Variants in GUCY1A2 observed in about 807,000 individuals in gnomAD.
The protein encoded by GUCY1A2 is guanylate cyclase 1 soluble subunit alpha 2, also known as guanylate cyclase soluble subunit alpha-2.
GUCY1A2 carries 27 observed loss-of-function variants against 63.5 expected under a neutral mutation model. The ratio of observed to expected loss-of-function variants is 0.43; its 90% CI spans 0.31 to 0.59. The LOEUF (loss-of-function observed/expected upper bound fraction) is 0.59, where lower values mean the gene tolerates loss of function less well. Among genes scored for constraint, GUCY1A2 ranks in the 20% least tolerant of loss-of-function variants. The probability of loss-of-function intolerance (pLI) is 0.11; values close to 1 mark genes in which losing one functional copy is unlikely to be tolerated. For missense variants in GUCY1A2, 768 were observed against 913.3 expected (o/e 0.84, Z 2.05); for synonymous variants, 364 against 343.5 (o/e 1.06, Z -0.66).
intron 1 of GUCY1A2, among the ~76,000 whole-genome samples, chr11:106,989,542 CT>C (rs1163135551): frequency 6.6e-6 from 1 of 152,034 alleles, no homozygotes; most frequent in Non-Finnish European, 1.5e-5. Flanking sequence ...CTATGCTAAG[CT>C]GAAAAACATG....
intron 7 of GUCY1A2, among the ~76,000 whole-genome samples, chr11:106,688,476 A>G (rs1862566526): frequency 6.6e-6 from 1 of 152,194 alleles, no homozygotes; most frequent in South Asian, 2.1e-4. Context: ...AGTGTGGCCC[A>G]ACAATTCAAT....
At chr11:106,778,979 A>G (rs1864411253) in intron 5 of GUCY1A2, among the ~76,000 whole-genome samples, 1 of 152,186 alleles carries the variant, frequency 6.6e-6, no homozygotes, top group Non-Finnish European at 1.5e-5. Flanking sequence ...TATTTTTAAT[A>G]TCAAAAATTA....
chr11:106,827,649 T>C (rs1565302584), intron 4 of GUCY1A2: 3 of 1,535,264 alleles, frequency 2.0e-6, no homozygotes, highest in East Asian at 2.2e-5. Context: ...TTCTATAACC[T>C]TGATGTTGGG....
intron 1 of GUCY1A2, among the ~76,000 whole-genome samples, chr11:107,015,572 A>C (rs1266935719): frequency 2.3e-5 from 3 of 130,920 alleles, no homozygotes; most frequent in Admixed American, 7.3e-5. Context: ...AAAAAAAAAA[A>C]AAAAAAAAAA....
intron 4 of GUCY1A2, among the ~76,000 whole-genome samples, chr11:106,839,871 AG>A (rs1859172542): frequency 1.9e-5 from 1 of 52,642 alleles, no homozygotes; most frequent in Admixed American, 2.8e-4. Flanking sequence ...GGGTGGGGGG[AG>A]GGGGGAGGGA....
intron 1 of GUCY1A2, among the ~76,000 whole-genome samples, chr11:107,014,129 G>A (rs1458083604): frequency 4.4e-5 from 5 of 114,412 alleles, no homozygotes; most frequent in Admixed American, 1.3e-4. Context: ...TCGCTCTGTC[G>A]CCAGGCTGGA....
intron 6 of GUCY1A2, among the ~76,000 whole-genome samples, chr11:106,737,066 C>A (rs942192668): frequency 6.6e-6 from 1 of 152,264 alleles, no homozygotes; most frequent in Admixed American, 6.5e-5. Context: ...ATCCTAGTAG[C>A]AAATCCCTTA....
intron 3 of GUCY1A2, among the ~76,000 whole-genome samples, chr11:106,964,360 C>A (rs1343003534): frequency 1.3e-5 from 2 of 152,186 alleles, no homozygotes; most frequent in Non-Finnish European, 2.9e-5. Flanking sequence ...ATAGCTACCC[C>A]TCCAGGGCCT....
chr11:106,895,030 G>C (rs896420777), intron 4 of GUCY1A2, among the ~76,000 whole-genome samples: 10 of 152,090 alleles, frequency 6.6e-5, no homozygotes, highest in Non-Finnish European at 1.3e-4. Flanking sequence ...GAAAAAAAGA[G>C]AAGGGATACA....
intron 6 of GUCY1A2, among the ~76,000 whole-genome samples, chr11:106,767,984 T>C (rs1177546055): frequency 6.6e-6 from 1 of 152,178 alleles, no homozygotes; most frequent in Non-Finnish European, 1.5e-5. Flanking sequence ...ATGTAGCTTC[T>C]GCATTACAAT....
At chr11:106,689,678 C>A (rs1862587901) in intron 7 of GUCY1A2, among the ~76,000 whole-genome samples, 1 of 152,036 alleles carries the variant, frequency 6.6e-6, no homozygotes, top group Non-Finnish European at 1.5e-5. Context: ...CATTTAACAC[C>A]AGTCAGAATG....
intron 4 of GUCY1A2, among the ~76,000 whole-genome samples, chr11:106,880,225 T>C (rs895791781): frequency 1.9e-4 from 29 of 152,010 alleles, no homozygotes; most frequent in African/African-American, 7.0e-4. Flanking sequence ...AACAGCCAAC[T>C]TGAAGATTCA....
At chr11:106,725,363 G>A in intron 6 of GUCY1A2, among the ~76,000 whole-genome samples, 1 of 48,476 alleles carries the variant, frequency 2.1e-5, no homozygotes, top group East Asian at 2.6e-4. Flanking sequence ...TAGTAGAGAC[G>A]GGGTTTCACC....
chr11:106,819,987 T>C (rs1012878261), intron 4 of GUCY1A2, among the ~76,000 whole-genome samples: 1 of 152,164 alleles, frequency 6.6e-6, no homozygotes, highest in African/African-American at 2.4e-5. Flanking sequence ...GGCTGGGATA[T>C]GGAAGGATTG....
At chr11:106,889,870 AG>A (rs1468926131) in intron 4 of GUCY1A2, among the ~76,000 whole-genome samples, 2 of 152,190 alleles carry the variant, frequency 1.3e-5, no homozygotes, top group East Asian at 3.8e-4. Context: ...TGTATTTCAG[AG>A]GGTTCTTTAA....
chr11:106,863,599 G>C (rs1173908937), intron 4 of GUCY1A2, among the ~76,000 whole-genome samples: 2 of 152,110 alleles, frequency 1.3e-5, no homozygotes, highest in African/African-American at 4.8e-5. Context: ...TTTTTGCTTA[G>C]GATTGTCTTG....
intron 4 of GUCY1A2, among the ~76,000 whole-genome samples, chr11:106,915,508 A>G (rs1860358646): frequency 6.8e-6 from 1 of 147,114 alleles, no homozygotes; most frequent in Non-Finnish European, 1.5e-5. Flanking sequence ...TGTGCAACTG[A>G]CAGTCTATCA....
intron 5 of GUCY1A2, among the ~76,000 whole-genome samples, chr11:106,783,748 C>G (rs1405143110): frequency 6.6e-6 from 1 of 152,186 alleles, no homozygotes; most frequent in Non-Finnish European, 1.5e-5. Context: ...GAACATGTAG[C>G]ATGTCGTTAG....
intron 4 of GUCY1A2, among the ~76,000 whole-genome samples, chr11:106,935,086 G>A (rs531390000): frequency 6.6e-6 from 1 of 152,252 alleles, no homozygotes; most frequent in African/African-American, 2.4e-5. Context: ...TCCAAACAGA[G>A]CTCCTATAGA....
Sources: allele counts gnomAD v4.1 joint callset (sites outside exome capture counted in the v4.1 genomes callset), GRCh38; gene constraint gnomAD v4.1.1; transcripts MANE v1.5; gene names NCBI Gene and HGNC (gene_info 2026-07-23, HGNC 2026-07-21).